Variants in NR1H4 observed in about 807,000 individuals in gnomAD.
NR1H4 encodes the protein nuclear receptor subfamily 1 group H member 4, also known as bile acid receptor.
Under a neutral mutation model 58.5 loss-of-function variants are expected in NR1H4, and 23 were observed. That is an observed-to-expected ratio of 0.39 (90% confidence interval 0.28 to 0.56). NR1H4 has a LOEUF of 0.56. Ranked by LOEUF, NR1H4 falls within the 20% of genes least tolerant of loss-of-function variation. NR1H4 has a pLI of 0.58. For synonymous variants in NR1H4, 214 were observed against 198.0 expected, an observed-to-expected ratio of 1.08 and a Z score of -0.68; for missense variants, 487 against 576.9, an observed-to-expected ratio of 0.84 and a Z score of 1.60.
chr12:100,553,277 T>C lies in NR1H4; in HGVS notation c.1079-8608T>C, dbSNP rs533131970. On this transcript the variant is annotated intron_variant, in intron 9 of 10. Coordinates refer to ENST00000392986, the MANE Select transcript of NR1H4 (RefSeq NM_001206979.2). ...CCTCCCAAAGTGCTGGGATTACAGG[T>C]GTGAGTCACTGCGCCCGGCCGATTC... 2.8e-3 allele frequency among the ~76,000 whole-genome samples: 423 copies of C among 152,226 alleles called. 2 individuals carry two copies. Among genetic ancestry groups the C allele is most frequent in the Non-Finnish European group, 4.0e-3 (275 of 67,996 alleles).
Position 100,511,061 on chromosome 12 carries a change from C to A in NR1H4, c.363C>A (p.Ile121=), listed in dbSNP as rs1214877289. The change falls in exon 4 of 11, where the codon ATC becomes ATA. Residue 121 remains isoleucine, a synonymous_variant. Transcript: ENST00000392986. ...GCATGGGCGCGTCAGCAGGGAGGAT[C>A]AAAGGGGATGAGCTGTGTGTTGTTT... ...KPRMGASAGR[I]KGDELCVVCG... The A allele has an allele frequency of 6.2e-7, 1 of 1,614,244 alleles. No homozygotes were observed. The highest frequency in any genetic ancestry group is 1.1e-5 in the South Asian group (1 of 91,078).
At chr12:100,518,538 A>C (rs1277453265) in intron 4 of NR1H4, among the ~76,000 whole-genome samples, 1 of 152,222 alleles carries the variant, frequency 6.6e-6, no homozygotes, top group African/African-American at 2.4e-5. Flanking sequence ...GGTTGGAACC[A>C]GGCAGGGCCC....
chr12:100,532,156 G>T (rs554802191), intron 4 of NR1H4, among the ~76,000 whole-genome samples: 2 of 152,238 alleles, frequency 1.3e-5, no homozygotes, highest in East Asian at 3.9e-4. Flanking sequence ...GTGCTCACTG[G>T]CATAGAATTG....
rs766618096 is a variant in NR1H4, at chr12:100,563,268, G to C, written c.1210G>C (p.Asp404His). ...CAAAACAGATAGACAATACATAAAG[G>C]ATAGAGAGGCAGTAGAGAAGCTTCA... ...ILSPDRQYIKDREAVEKLQEP... is the reference protein window; with the variant it reads ...ILSPDRQYIKHREAVEKLQEP... Residue 404 changes from aspartate (D) to histidine (H), a missense_variant, in exon 11 of 11, where the codon GAT becomes CAT. Transcript: ENST00000392986. The C allele has an allele frequency of 3.1e-6, 5 of 1,612,954 alleles. No homozygotes were observed. Among genetic ancestry groups the C allele is most frequent in the East Asian group, 2.2e-5 (1 of 44,866 alleles).
intron 9 of NR1H4, among the ~76,000 whole-genome samples, chr12:100,561,630 A>G (rs2136326110): frequency 1.3e-5 from 2 of 152,314 alleles, no homozygotes; most frequent in East Asian, 3.9e-4. Flanking sequence ...ATTAGTAGTG[A>G]CTGAAACAAA....
chr12:100,480,369 G>A (rs897165763), intron 1 of NR1H4, among the ~76,000 whole-genome samples: 1 of 152,182 alleles, frequency 6.6e-6, no homozygotes, highest in Admixed American at 6.5e-5. Context: ...TTTTTAAAGA[G>A]TAAGTACCTT....
chr12:100,483,178 A>G (rs1004780799), intron 1 of NR1H4, among the ~76,000 whole-genome samples: 2 of 152,006 alleles, frequency 1.3e-5, no homozygotes, highest in Non-Finnish European at 2.9e-5. Context: ...CACCCACCTC[A>G]GCCTCCCAAA....
intron 9 of NR1H4, among the ~76,000 whole-genome samples, chr12:100,558,824 G>A (rs1278382923): frequency 1.3e-5 from 2 of 152,234 alleles, no homozygotes; most frequent in African/African-American, 2.4e-5. Context: ...ATAGAGTGCA[G>A]CTTAGCCGTA....
At chr12:100,508,283 G>A (rs1002662508) in intron 3 of NR1H4, among the ~76,000 whole-genome samples, 6 of 152,036 alleles carry the variant, frequency 3.9e-5, no homozygotes, top group Admixed American at 3.9e-4. Context: ...GAAGCGGCAA[G>A]GCACATTCAA....
At chr12:100,515,497 A>G (rs551549669) in intron 4 of NR1H4, among the ~76,000 whole-genome samples, 4 of 152,248 alleles carry the variant, frequency 2.6e-5, no homozygotes, top group African/African-American at 7.2e-5. Flanking sequence ...CAAACAAGTC[A>G]TATTTCTTGC....
At chr12:100,533,479 G>A (rs548555902) in intron 5 of NR1H4, among the ~76,000 whole-genome samples, 7 of 152,278 alleles carry the variant, frequency 4.6e-5, no homozygotes, top group Admixed American at 6.5e-5. Context: ...GGGGAAAATA[G>A]GTCTGTGTAA....
chr12:100,560,815 G>A (rs990639953), intron 9 of NR1H4, among the ~76,000 whole-genome samples: 4 of 152,170 alleles, frequency 2.6e-5, no homozygotes, highest in Non-Finnish European at 5.9e-5. Context: ...TTAAGTAAAT[G>A]CCAGGTGCAA....
chr12:100,531,227 G>A (rs1331529256), intron 4 of NR1H4, among the ~76,000 whole-genome samples: 1 of 152,146 alleles, frequency 6.6e-6, no homozygotes. Context: ...AGGCTGAGGC[G>A]GGCAGATCAC....
intron 9 of NR1H4, among the ~76,000 whole-genome samples, chr12:100,549,005 C>A (rs928872297): frequency 1.3e-5 from 2 of 152,036 alleles, no homozygotes; most frequent in Non-Finnish European, 2.9e-5. Context: ...GAGTTGACTT[C>A]ATCTTCTTGG....
chr12:100,483,984 A>AG (rs1491362848), intron 1 of NR1H4, among the ~76,000 whole-genome samples: 2 of 134,836 alleles, frequency 1.5e-5, no homozygotes, highest in Non-Finnish European at 3.0e-5. Flanking sequence ...ACTCTGTCTC[A>AG]GAAAAAAAAA....
At chr12:100,500,025 G>A in intron 3 of NR1H4, 2 of 452,888 alleles carry the variant, frequency 4.4e-6, no homozygotes, top group Admixed American at 4.7e-5. Context: ...CACCTATAAG[G>A]TAGGTACCAT....
chr12:100,526,708 C>T (rs1593096218), intron 4 of NR1H4, among the ~76,000 whole-genome samples: 1 of 152,136 alleles, frequency 6.6e-6, no homozygotes, highest in East Asian at 1.9e-4. Flanking sequence ...TCTTCCTGTC[C>T]TTGTCTCAGA....
At chr12:100,558,643 G>A (rs1295129057) in intron 9 of NR1H4, among the ~76,000 whole-genome samples, 5 of 152,246 alleles carry the variant, frequency 3.3e-5, no homozygotes, top group African/African-American at 1.2e-4. Flanking sequence ...ATAGGCGTAA[G>A]CCACTGCACC....
chr12:100,550,003 C>A (rs1955168544), intron 9 of NR1H4, among the ~76,000 whole-genome samples: 1 of 152,134 alleles, frequency 6.6e-6, no homozygotes, highest in African/African-American at 2.4e-5. Context: ...TCTGTTTATG[C>A]CTATGCAACT....
Sources: allele counts gnomAD v4.1 joint callset (sites outside exome capture counted in the v4.1 genomes callset), GRCh38; gene constraint gnomAD v4.1.1; transcripts MANE v1.5; gene names NCBI Gene and HGNC (gene_info 2026-07-23, HGNC 2026-07-21).